The following USP48 variants were observed in gnomAD, a reference collection of about 807,000 sequenced individuals.
USP48 encodes the protein ubiquitin carboxyl-terminal hydrolase 48.
USP48 carries 43 observed loss-of-function variants against 150.7 expected under a neutral mutation model. The ratio of observed to expected loss-of-function variants is 0.29; its 90% CI spans 0.22 to 0.37. The LOEUF is 0.37. Ranked by LOEUF, USP48 falls within the 10% of genes least tolerant of loss-of-function variation. USP48 has a pLI of 1.00. For missense variants in USP48, 813 were observed against 1,249.6 expected, an observed-to-expected ratio of 0.65 and a Z score of 5.27; for synonymous variants, 396 against 425.9, an observed-to-expected ratio of 0.93 and a Z score of 0.86.
chr1:21,720,174 C>G (rs571975686), intron 14 of USP48, among the ~76,000 whole-genome samples: 2 of 152,290 alleles, frequency 1.3e-5, no homozygotes, highest in African/African-American at 4.8e-5. Flanking sequence ...GAAGTACAAG[C>G]TCATTTACTT....
chr1:21,704,332 A>G lies in USP48; in HGVS notation c.2445T>C (p.His815=), dbSNP rs750467163. 1 of 1,614,052 alleles carries G rather than the reference A, an allele frequency of 6.2e-7. No individual in the cohort carries two copies. The highest frequency in any genetic ancestry group is 1.3e-5 in the African/African-American group (1 of 75,038). Residue 815 remains histidine (H), a synonymous_variant, in exon 20 of 27, where the codon CAT becomes CAC. Coordinates refer to ENST00000308271, the MANE Select transcript of USP48 (RefSeq NM_032236.8). ...QMIQKLFVVD[H]VIKITRIEVG... is the part of the protein sequence containing the mutation. The stretch of plus-strand genomic sequence containing the variant: ...CTTCAATTCTCGTGATTTTAATTAC[A>G]TGATCCACAACAAAGAGCTTTTGTA...
chr1:21,724,203 G>C (rs2097730045), intron 11 of USP48, 108 bp from the exon 12 acceptor site: 1 of 1,054,982 alleles, frequency 9.5e-7, no homozygotes, highest in Non-Finnish European at 1.4e-6. Context: ...AGAGTTAGCA[G>C]AATCAGAAGA....
At chr1:21,734,245 CA>C (rs2097763673) in intron 9 of USP48, among the ~76,000 whole-genome samples, 2 of 151,952 alleles carry the variant, frequency 1.3e-5, no homozygotes, top group African/African-American at 4.8e-5. Context: ...TAACAAATTA[CA>C]AAATTAGCCA....
intron 11 of USP48, chr1:21,727,916 G>A: frequency 1.0e-6 from 1 of 983,884 alleles, no homozygotes; most frequent in Non-Finnish European, 1.2e-6. Context: ...GTAGGAATTA[G>A]GCTTGGGGAA....
In USP48 at chr1:21,762,221, C is replaced by T. The variant is rs867286124; in HGVS notation, c.135-4438G>A. ...GGCAGGGTTTGCAGTGAGCTGTGAT[C>T]GCACCAGTGCATTCCAGCCAGGCTG... On this transcript the variant is annotated intron_variant, in intron 1 of 26. Coordinates refer to ENST00000308271, the MANE Select transcript of USP48 (RefSeq NM_032236.8). Among the ~76,000 whole-genome samples the T allele has an allele frequency of 3.3e-5, 5 of 152,034 alleles. No individual in the cohort carries two copies. In the South Asian group the frequency reaches 8.3e-4, roughly 25 times the overall value.
intron 1 of USP48, among the ~76,000 whole-genome samples, chr1:21,758,181 G>C (rs2097841545): frequency 1.1e-5 from 1 of 87,222 alleles, no homozygotes; most frequent in Non-Finnish European, 2.3e-5. Context: ...CTATGCAACT[G>C]TAAAACACAC....
intron 1 of USP48, among the ~76,000 whole-genome samples, chr1:21,760,785 G>A (rs376198746): frequency 6.7e-6 from 1 of 148,724 alleles, no homozygotes. Flanking sequence ...GATATATAAC[G>A]ATATCATTAG....
At chr1:21,698,703 G>C (rs1172676380) in intron 22 of USP48, among the ~76,000 whole-genome samples, 1 of 152,092 alleles carries the variant, frequency 6.6e-6, no homozygotes, top group Non-Finnish European at 1.5e-5. Context: ...CCCCATCCTG[G>C]ATATCACGGT....
rs974974801 is a variant in USP48 at position 21,776,583 on chromosome 1, G to C, written c.134+6241C>G. Among the ~76,000 whole-genome samples the C allele has an allele frequency of 1.5e-4, 10 of 67,252 alleles. No homozygotes were observed. In the Admixed American group the frequency reaches 2.1e-3, roughly 14 times the overall value. The allele number at this position is 67,252 out of a possible 152,430, so 44.1% of individuals were successfully genotyped here. A position where few individuals can be genotyped will look rare whatever the true frequency, so the allele number is the denominator to read the frequency against. ...TATAAAAAAGGAGAAAGTGAATAGT[G>C]TCTTGTCTCAAAAAAAAAAAAAAAA... On this transcript the variant is annotated intron_variant, in intron 1 of 26. Coordinates refer to ENST00000308271, the MANE Select transcript of USP48 (RefSeq NM_032236.8).
At chr1:21,721,422 G>C (rs933283924) in intron 13 of USP48, among the ~76,000 whole-genome samples, 2 of 152,134 alleles carry the variant, frequency 1.3e-5, no homozygotes, top group African/African-American at 4.8e-5. Flanking sequence ...CCAATCAAAT[G>C]GTAGGATGGA....
chr1:21,691,214 T>G (rs1249020430), intron 23 of USP48, among the ~76,000 whole-genome samples: 1 of 148,982 alleles, frequency 6.7e-6, no homozygotes. Context: ...CTCGGGAGGC[T>G]GAGGCCAGAG....
intron 1 of USP48, among the ~76,000 whole-genome samples, chr1:21,759,648 C>T (rs1041416142): frequency 6.6e-6 from 1 of 152,082 alleles, no homozygotes; most frequent in African/African-American, 2.4e-5. Context: ...GGGGAGGTCC[C>T]ACTGGTCAAA....
intron 1 of USP48, among the ~76,000 whole-genome samples, chr1:21,765,879 C>A (rs1231983518): frequency 4.5e-5 from 5 of 110,722 alleles, no homozygotes; most frequent in African/African-American, 1.2e-4. Flanking sequence ...CCGGCCTGGG[C>A]AACAAAGTGA....
In USP48 at chr1:21,724,097, T is replaced by C; in HGVS notation, c.1451-2A>G. On this transcript the variant is annotated splice_acceptor_variant, in intron 11 of 26. Coordinates refer to ENST00000308271, the MANE Select transcript of USP48 (RefSeq NM_032236.8). LOFTEE classifies it high-confidence loss of function. ...CCAGAGAGACAAACTCATAGGGCTCTGAGAAAGCAAGCATCGGAAAGAGCC... is the reference window on the plus strand; with the variant it reads ...CCAGAGAGACAAACTCATAGGGCTCCGAGAAAGCAAGCATCGGAAAGAGCC... 6.2e-7 allele frequency: 1 copy of C among 1,614,044 alleles called. No individual in the cohort carries two copies. The highest frequency in any genetic ancestry group is 2.2e-5 in the East Asian group (1 of 44,878).
intron 22 of USP48, among the ~76,000 whole-genome samples, chr1:21,699,473 C>T (rs1186195112): frequency 6.6e-6 from 1 of 151,674 alleles, no homozygotes; most frequent in East Asian, 1.9e-4. Flanking sequence ...GCTGGAATTA[C>T]AGGCATGAGC....
rs1484740348 is a variant in USP48 at position 21,761,973 on chromosome 1, G to A, written c.135-4190C>T. On this transcript the variant is annotated intron_variant, in intron 1 of 26. Transcript: ENST00000308271. ...AAAGGTCTACTATAAGAGAGTTAAA[G>A]AAACAAAACTGGCCGGGTGCAGTGG... 3.3e-5 allele frequency among the ~76,000 whole-genome samples: 5 copies of A among 149,980 alleles called. No homozygotes were observed. In the South Asian group the frequency reaches 1.1e-3, roughly 32 times the overall value.
chr1:21,696,912 G>GT (rs2097634877), intron 22 of USP48, among the ~76,000 whole-genome samples: 1 of 149,568 alleles, frequency 6.7e-6, no homozygotes, highest in African/African-American at 2.5e-5. Context: ...GGGATGGGGG[G>GT]TGAGTGAGAG....
intron 25 of USP48, among the ~76,000 whole-genome samples, chr1:21,681,605 A>G (rs1264176289): frequency 6.6e-6 from 1 of 152,166 alleles, no homozygotes; most frequent in Non-Finnish European, 1.5e-5. Context: ...TCTTCAGTGA[A>G]GGATACAAAC....
At chr1:21,774,024 C>T (rs1193919706) in intron 1 of USP48, among the ~76,000 whole-genome samples, 4 of 151,764 alleles carry the variant, frequency 2.6e-5, no homozygotes, top group Non-Finnish European at 5.9e-5. Flanking sequence ...ACTAAAAATA[C>T]AATAATTAGG....
Sources: gnomAD v4.1 joint callset for allele counts (sites outside exome capture counted in the v4.1 genomes callset) on GRCh38, gnomAD v4.1.1 for gene constraint, MANE v1.5 for transcripts, NCBI Gene and HGNC (gene_info 2026-07-23, HGNC 2026-07-21) for gene names.